Variants in SVOP observed in about 807,000 individuals in gnomAD.
SVOP encodes SV2 related protein.
In SVOP, 17 loss-of-function variants were observed where a neutral mutation model predicts 69.1. The ratio of observed to expected loss-of-function variants is 0.25; its 90% CI spans 0.17 to 0.37. The LOEUF is 0.37. SVOP is among the 10% of genes least tolerant of loss of function. SVOP has a pLI of 1.00. For missense variants in SVOP, 435 were observed against 597.5 expected (o/e 0.73, Z 2.84); for synonymous variants, 238 against 238.6 (o/e 1.00, Z 0.02).
chr12:108,922,761 C>G lies in SVOP; in HGVS notation c.1085G>C (p.Ser362Thr), dbSNP rs371869713. Residue 362 changes from serine (S) to threonine (T), a missense_variant, in exon 12 of 16, where the codon AGC becomes ACC. Coordinates refer to ENST00000610966, the MANE Select transcript of SVOP (RefSeq NM_018711.5). ...SRKKAVEAKC[S>T]LACEYLSEED... Reference sequence around the variant, plus strand: ...CTCACTCAGGTACTCGCAGGCCAGGCTGCATTTTGCCTCTACAGCCTTCTT... The same window carrying G: ...CTCACTCAGGTACTCGCAGGCCAGGGTGCATTTTGCCTCTACAGCCTTCTT... 1 of 1,610,940 alleles carries G rather than the reference C, an allele frequency of 6.2e-7. No individual in the cohort carries two copies. The highest frequency in any genetic ancestry group is 1.3e-5 in the African/African-American group (1 of 74,870).
intron 6 of SVOP, among the ~76,000 whole-genome samples, chr12:108,954,900 G>C (rs956576871): frequency 6.6e-6 from 1 of 152,162 alleles, no homozygotes; most frequent in Non-Finnish European, 1.5e-5. Flanking sequence ...GAGCATGGTG[G>C]TGTGTGCCTG....
At chr12:108,956,449 A>G (rs1433919113) in intron 6 of SVOP, among the ~76,000 whole-genome samples, 1 of 152,072 alleles carries the variant, frequency 6.6e-6, no homozygotes, top group Non-Finnish European at 1.5e-5. Context: ...ACAGATCCCC[A>G]CCCTCCAATG....
intron 11 of SVOP, among the ~76,000 whole-genome samples, chr12:108,927,197 C>T (rs1240930840): frequency 6.6e-6 from 1 of 152,166 alleles, no homozygotes; most frequent in Non-Finnish European, 1.5e-5. Context: ...ACTCTGGCTA[C>T]TGCAATTGCT....
intron 1 of SVOP, among the ~76,000 whole-genome samples, chr12:109,011,349 T>C (rs568814143): frequency 1.3e-5 from 2 of 152,364 alleles, no homozygotes; most frequent in South Asian, 4.1e-4. Flanking sequence ...TGTGAGGTTT[T>C]AAAGGCTGTG....
At chr12:108,954,715 C>T (rs1191064614) in intron 6 of SVOP, among the ~76,000 whole-genome samples, 1 of 152,204 alleles carries the variant, frequency 6.6e-6, no homozygotes, top group Non-Finnish European at 1.5e-5. Context: ...TTTTCTTGCT[C>T]TCCAGTACTC....
chr12:108,990,317 T>A (rs36182842), intron 1 of SVOP, among the ~76,000 whole-genome samples: 135,252 of 152,136 alleles, frequency 0.89, 61,244 homozygotes, highest in Non-Finnish European at 0.99. Context: ...ATGGTGTTTA[T>A]GGCTGCATAG....
intron 1 of SVOP, among the ~76,000 whole-genome samples, chr12:108,984,432 G>A (rs1457964908): frequency 6.6e-6 from 1 of 152,206 alleles, no homozygotes; most frequent in East Asian, 1.9e-4. Context: ...ATTGTGCTAG[G>A]TCTGGGCAGT....
chr12:109,002,338 GA>G (rs2040276537), intron 1 of SVOP, among the ~76,000 whole-genome samples: 1 of 47,774 alleles, frequency 2.1e-5, no homozygotes, highest in Non-Finnish European at 4.5e-5. Flanking sequence ...GGAGAAATAG[GA>G]ACACTTTTAC....
Position 108,925,987 on chromosome 12 carries a change from C to T in SVOP, c.1049-3190G>A, listed in dbSNP as rs142791503. Among the ~76,000 whole-genome samples the T allele has an allele frequency of 7.5e-3, 1,136 of 151,646 alleles. 20 individuals carry two copies. The highest frequency in any genetic ancestry group is 0.026 in the African/African-American group (1,080 of 41,264). On this transcript the variant is annotated intron_variant, in intron 11 of 15. Coordinates refer to ENST00000610966, the MANE Select transcript of SVOP (RefSeq NM_018711.5). Reference sequence around the variant, plus strand: ...AGGCTGGAGTGCAGTGGCACAATCACCGCTCACTGCAGCCTTGAATTCCTG... The same window carrying T: ...AGGCTGGAGTGCAGTGGCACAATCATCGCTCACTGCAGCCTTGAATTCCTG...
chr12:108,955,101 C>T (rs2039977950), intron 6 of SVOP, among the ~76,000 whole-genome samples: 2 of 152,238 alleles, frequency 1.3e-5, no homozygotes, highest in African/African-American at 4.8e-5. Context: ...TAGAAAATGT[C>T]ACTTCTCATT....
intron 1 of SVOP, among the ~76,000 whole-genome samples, chr12:109,018,103 TGG>T (rs2040378184): frequency 1.9e-5 from 1 of 53,316 alleles, no homozygotes; most frequent in African/African-American, 3.0e-4. Context: ...AAAGAATGGA[TGG>T]ATGAATGAAT....
chr12:108,912,542 T>G lies in SVOP; in HGVS notation c.1640A>C (p.Gln547Pro), dbSNP rs369468970. The G allele has an allele frequency of 6.2e-7, 1 of 1,613,702 alleles. No individual in the cohort carries two copies. Among genetic ancestry groups the G allele is most frequent in the East Asian group, 2.2e-5 (1 of 44,890 alleles). ...AGVTRSNSGS[Q>P]E ...TCAGTCCCCCATCGGTCACTATTCC[T>G]GAGAGCCAGAGTTCGACCTGGTAAC... Residue 547 changes from glutamine to proline, a missense_variant, in exon 16 of 16, where the codon CAG becomes CCG. Physicochemically the swap from Gln to Pro is moderately conservative, Grantham distance 76. Coordinates refer to ENST00000610966, the MANE Select transcript of SVOP (RefSeq NM_018711.5).
rs1270890535 is a variant in SVOP, at chr12:108,918,148, G to T, written c.1269-24C>A. 2.6e-6 allele frequency: 4 copies of T among 1,535,652 alleles called. No homozygotes were observed. The African/African-American group carries it at 5.5e-5, about 21-fold the overall frequency. On this transcript the variant is annotated intron_variant, in intron 13 of 15. Coordinates refer to ENST00000610966, the MANE Select transcript of SVOP (RefSeq NM_018711.5). ...TTCTAGGAGGAGGATAAAGGCAGATGATGGCATTTTTTTCTGTCTGCTTGT... is the reference window on the plus strand; with the variant it reads ...TTCTAGGAGGAGGATAAAGGCAGATTATGGCATTTTTTTCTGTCTGCTTGT...
At chr12:108,914,905 G>A (rs933879058) in intron 15 of SVOP, among the ~76,000 whole-genome samples, 1 of 151,486 alleles carries the variant, frequency 6.6e-6, no homozygotes, top group African/African-American at 2.4e-5. Context: ...GCCAGGCACA[G>A]TGGCTCATGC....
intron 1 of SVOP, among the ~76,000 whole-genome samples, chr12:108,995,850 T>G (rs1231688588): frequency 6.6e-6 from 1 of 150,816 alleles, no homozygotes; most frequent in Non-Finnish European, 1.5e-5. Flanking sequence ...TGCAGTGAGC[T>G]GAGATCGCAC....
At chr12:109,015,751 C>G (rs2040364559) in intron 1 of SVOP, among the ~76,000 whole-genome samples, 1 of 152,152 alleles carries the variant, frequency 6.6e-6, no homozygotes, top group Admixed American at 6.5e-5. Flanking sequence ...TGAGATCACA[C>G]CACTGCACTC....
intron 2 of SVOP, among the ~76,000 whole-genome samples, chr12:108,979,628 G>T (rs1368037923): frequency 6.6e-6 from 1 of 152,146 alleles, no homozygotes; most frequent in Non-Finnish European, 1.5e-5. Context: ...CAAAAGTTGT[G>T]GAAAGGTATG....
At position 108,937,375 on chromosome 12, in the gene SVOP, C is replaced by G. The variant is rs773876870; in HGVS notation, c.898-38G>C. 8.6e-5 allele frequency: 136 copies of G among 1,589,786 alleles called. 2 individuals carry two copies. In the South Asian group the frequency reaches 1.2e-3, roughly 14 times the overall value. On this transcript the variant is annotated intron_variant, in intron 9 of 15. Transcript: ENST00000610966. The stretch of plus-strand genomic sequence containing the variant: ...AAGGACATAGTGTTTATTCTCTCCC[C>G]TACAGATGCACGGGAGATGGGCTGG...
At chr12:108,940,065 C>T (rs1414999155) in intron 8 of SVOP, among the ~76,000 whole-genome samples, 1 of 152,196 alleles carries the variant, frequency 6.6e-6, no homozygotes, top group Non-Finnish European at 1.5e-5. Context: ...TTATTTGTTT[C>T]AGCAGCTGGT....
Sources: allele counts gnomAD v4.1 joint callset (sites outside exome capture counted in the v4.1 genomes callset), GRCh38; gene constraint gnomAD v4.1.1; transcripts MANE v1.5; gene names NCBI Gene and HGNC (gene_info 2026-07-23, HGNC 2026-07-21).